HPSE2: variants seen among roughly 807,000 people sequenced by gnomAD.
HPSE2 encodes heparanase 2 (inactive).
HPSE2 carries 38 observed loss-of-function variants against 60.5 expected under a neutral mutation model. That is an observed-to-expected ratio of 0.63 (90% CI 0.48 to 0.82). The LOEUF (loss-of-function observed/expected upper bound fraction) is 0.82. Ranked by LOEUF, HPSE2 falls within the 40% of genes least tolerant of loss-of-function variation. The pLI is 0.00. For missense variants in HPSE2, 713 were observed against 740.4 expected, an observed-to-expected ratio of 0.96 and a Z score of 0.43; for synonymous variants, 295 against 293.2, an observed-to-expected ratio of 1.01 and a Z score of -0.06.
intron 4 of HPSE2, among the ~76,000 whole-genome samples, chr10:98,725,816 G>T (rs1439628417): frequency 6.6e-6 from 1 of 152,144 alleles, no homozygotes; most frequent in Non-Finnish European, 1.5e-5. Flanking sequence ...CCATCAAAAA[G>T]TGGGCAAAGG....
intron 9 of HPSE2, among the ~76,000 whole-genome samples, chr10:98,541,679 C>A (rs971419778): frequency 2.8e-4 from 43 of 152,246 alleles, no homozygotes; most frequent in African/African-American, 9.4e-4. Flanking sequence ...CCACACATGG[C>A]TCAGAGGGTC....
intron 3 of HPSE2, among the ~76,000 whole-genome samples, chr10:98,975,195 T>C (rs1414227464): frequency 1.3e-5 from 2 of 152,224 alleles, no homozygotes; most frequent in African/African-American, 2.4e-5. Flanking sequence ...ACTGCAACAG[T>C]TCCTGAGATT....
chr10:98,943,601 C>T lies in HPSE2; in HGVS notation c.611-199545G>A, dbSNP rs140707189. On this transcript the variant is annotated intron_variant, in intron 3 of 11. Coordinates refer to ENST00000370552, the MANE Select transcript of HPSE2 (RefSeq NM_021828.5). ...ACTGTATGATAAAGACAATGGCTTC[C>T]ATCTTATTTATTCTCTTACTTTCTC... Among the ~76,000 whole-genome samples, 730 of 152,124 alleles carry T rather than the reference C, an allele frequency of 4.8e-3. 1 individual carries two copies. The highest frequency in any genetic ancestry group is 9.8e-3 in the African/African-American group (406 of 41,490).
At chr10:99,272,697 A>T in the HPSE2 span, among the ~76,000 whole-genome samples, 2 of 152,240 alleles carry the variant, frequency 1.3e-5, no homozygotes, top group Non-Finnish European at 2.9e-5. Context: ...TTATCAGGGA[A>T]ATGCAAATCA....
chr10:99,024,286 CAG>C (rs1957328838), intron 3 of HPSE2, among the ~76,000 whole-genome samples: 1 of 151,974 alleles, frequency 6.6e-6, no homozygotes, highest in African/African-American at 2.4e-5. Flanking sequence ...TAAAAATACA[CAG>C]AGGAGACAAA....
chr10:99,254,603 A>T, the HPSE2 span, among the ~76,000 whole-genome samples: 2 of 152,242 alleles, frequency 1.3e-5, no homozygotes, highest in African/African-American at 4.8e-5. Context: ...GATTAGGTGT[A>T]ATTTAATCTT....
chr10:98,807,250 T>A (rs12416280), intron 3 of HPSE2, among the ~76,000 whole-genome samples: 5,780 of 152,318 alleles, frequency 0.038, 234 homozygotes, highest in East Asian at 0.17. Flanking sequence ...AAAACATACA[T>A]AAATATACCA....
chr10:98,889,756 C>G (rs78030900), intron 3 of HPSE2, among the ~76,000 whole-genome samples: 137 of 152,206 alleles, frequency 9.0e-4, no homozygotes, highest in African/African-American at 3.2e-3. Context: ...GAGTTCCCTT[C>G]CAGTGGCAAA....
At position 99,232,512 on chromosome 10, in the gene HPSE2, A is replaced by T. The variant is rs1380183681; in HGVS notation, c.291-7T>A. Reference sequence around the variant, plus strand: ...GGTCACCAAGCGCTTGGAGCTGCAGAGGAAGAGAATAAGAGAGGAAAGGTT... The same window carrying T: ...GGTCACCAAGCGCTTGGAGCTGCAGTGGAAGAGAATAAGAGAGGAAAGGTT... On this transcript the variant is annotated splice_region_variant and splice_polypyrimidine_tract_variant and intron_variant, in intron 1 of 11. Coordinates refer to ENST00000370552, the MANE Select transcript of HPSE2 (RefSeq NM_021828.5). The T allele has an allele frequency of 6.4e-7, 1 of 1,551,938 alleles. No homozygotes were observed. The highest frequency in any genetic ancestry group is 2.0e-5 in the Admixed American group (1 of 51,174).
At chr10:99,240,199 A>G (rs186433308), upstream of HPSE2, among the ~76,000 whole-genome samples, 410 of 152,216 alleles carry the variant, frequency 2.7e-3, 3 homozygotes, top group East Asian at 4.6e-3. Context: ...CAAAAAAAGA[A>G]AAGAAAAGGA....
At chr10:98,573,808 T>C (rs1010373075) in intron 9 of HPSE2, among the ~76,000 whole-genome samples, 1 of 152,348 alleles carries the variant, frequency 6.6e-6, no homozygotes, top group African/African-American at 2.4e-5. Flanking sequence ...GTCCTTGAGA[T>C]GGCCTCTAAT....
At position 98,641,891 on chromosome 10, in the gene HPSE2, G is replaced by C. The variant is rs1052287278; in HGVS notation, c.1054C>G (p.Arg352Gly). Residue 352 changes from arginine to glycine, a missense_variant, in exon 7 of 12, where the codon CGC becomes GGC. By Grantham distance (125) the Arg-to-Gly change is moderately radical. Coordinates refer to ENST00000370552, the MANE Select transcript of HPSE2 (RefSeq NM_021828.5). The part of the protein sequence containing the change: ...VVKVMDFLKT[R>G]LLDTLSDQIR... ...TGGTCAGAGAGTGTGTCTAACAGGC[G>C]AGTTTTCAGGAAGTCCATCACCTTG... is the stretch of plus-strand genomic sequence containing the variant. 3.1e-6 allele frequency: 5 copies of C among 1,613,706 alleles called. No homozygotes were observed. In the African/African-American group the frequency reaches 6.7e-5, roughly 22 times the overall value.
chr10:99,211,740 C>G lies in HPSE2; in HGVS notation c.448+20608G>C, dbSNP rs146652830. ...TGGATTAAAGGGTTAAATTTAAGAC[C>G]TGAAACTATAAAACTATTAGAAGAA... is the stretch of plus-strand genomic sequence containing the variant. On this transcript the variant is annotated intron_variant, in intron 2 of 11. Coordinates refer to ENST00000370552, the MANE Select transcript of HPSE2 (RefSeq NM_021828.5). Among the ~76,000 whole-genome samples, 399 of 152,190 alleles carry G rather than the reference C, an allele frequency of 2.6e-3. 2 individuals carry two copies. Among genetic ancestry groups the G allele is most frequent in the African/African-American group, 9.2e-3 (384 of 41,542 alleles).
chr10:99,248,516 T>C, the HPSE2 span, among the ~76,000 whole-genome samples: 2 of 152,216 alleles, frequency 1.3e-5, no homozygotes, highest in African/African-American at 2.4e-5. Flanking sequence ...AAAAAAATGA[T>C]GTAAAACTGG....
chr10:98,603,251 A>G (rs1044615152), intron 9 of HPSE2, among the ~76,000 whole-genome samples: 3 of 152,204 alleles, frequency 2.0e-5, no homozygotes, highest in African/African-American at 7.2e-5. Flanking sequence ...CTCAGTGTGG[A>G]CAAGTTTGAG....
intron 9 of HPSE2, among the ~76,000 whole-genome samples, chr10:98,553,820 C>T (rs1943928741): frequency 6.6e-6 from 1 of 152,140 alleles, no homozygotes; most frequent in Admixed American, 6.5e-5. Flanking sequence ...ATGGCTCTTC[C>T]TGTGCTGTTT....
chr10:98,868,895 T>C (rs1178557529), intron 3 of HPSE2, among the ~76,000 whole-genome samples: 1 of 152,212 alleles, frequency 6.6e-6, no homozygotes, highest in African/African-American at 2.4e-5. Context: ...TGGATTTTTC[T>C]AGTTAAAATC....
intron 3 of HPSE2, among the ~76,000 whole-genome samples, chr10:98,970,023 G>A (rs189970481): frequency 1.3e-4 from 20 of 151,592 alleles, no homozygotes; most frequent in South Asian, 2.1e-4. Flanking sequence ...GTGCAATGGC[G>A]TGATCTCAGC....
At chr10:98,543,207 A>C (rs902511381) in intron 9 of HPSE2, among the ~76,000 whole-genome samples, 4 of 152,204 alleles carry the variant, frequency 2.6e-5, no homozygotes, top group African/African-American at 9.7e-5. Flanking sequence ...TTCAATCTAG[A>C]ATTTCATATC....
Sources: allele counts gnomAD v4.1 joint callset (sites outside exome capture counted in the v4.1 genomes callset), GRCh38; gene constraint gnomAD v4.1.1; transcripts MANE v1.5; gene names NCBI Gene and HGNC (gene_info 2026-07-23, HGNC 2026-07-21).